Variants in GOT1 observed in about 807,000 individuals in gnomAD.
GOT1 encodes aspartate aminotransferase, cytoplasmic.
A neutral mutation model predicts 48.2 loss-of-function variants in GOT1; 25 were observed. The ratio of observed to expected loss-of-function variants is 0.52; its 90% CI spans 0.38 to 0.72. The LOEUF (loss-of-function observed/expected upper bound fraction) is 0.72. Among genes scored for constraint, GOT1 ranks in the 30% least tolerant of loss-of-function variants. The pLI, the probability that GOT1 is intolerant of heterozygous loss-of-function variation, is 0.00. For missense variants in GOT1, 380 were observed against 520.1 expected (o/e 0.73, Z 2.62); for synonymous variants, 188 against 193.8 (o/e 0.97, Z 0.25).
chr10:99,406,594 C>T lies in GOT1; in HGVS notation c.424+132G>A. 3 of 823,756 alleles carry T rather than the reference C, an allele frequency of 3.6e-6. No homozygotes were observed. In the South Asian group the frequency reaches 4.9e-5, roughly 14 times the overall value. The allele number at this position is 823,756 out of a possible 1,614,324, so 51.0% of individuals were successfully genotyped here. The stretch of plus-strand genomic sequence containing the variant: ...GCAGGTTTCTCATGCACTGCCATAA[C>T]CCACTGTTCAAGCCATTCCCAACAG... On this transcript the variant is annotated intron_variant, in intron 3 of 8. Coordinates refer to ENST00000370508, the MANE Select transcript of GOT1 (RefSeq NM_002079.3).
chr10:99,420,028 T>C (rs905085597), intron 2 of GOT1, among the ~76,000 whole-genome samples: 2 of 152,198 alleles, frequency 1.3e-5, no homozygotes, highest in Non-Finnish European at 2.9e-5. Context: ...TATTAAAGAA[T>C]ATTAGAACTG....
At chr10:99,424,026 AG>A (rs2033005600) in intron 1 of GOT1, among the ~76,000 whole-genome samples, 1 of 152,100 alleles carries the variant, frequency 6.6e-6, no homozygotes, top group Non-Finnish European at 1.5e-5. Flanking sequence ...AAGTTCAAAA[AG>A]CCTCCTTCGC....
intron 1 of GOT1, among the ~76,000 whole-genome samples, chr10:99,429,881 C>G (rs1008072674): frequency 1.3e-5 from 2 of 152,150 alleles, no homozygotes; most frequent in Admixed American, 6.5e-5. Flanking sequence ...CCAGACCCCC[C>G]GGGGGCAGCA....
intron 8 of GOT1, among the ~76,000 whole-genome samples, chr10:99,400,970 A>G (rs1231139239): frequency 6.6e-6 from 1 of 152,178 alleles, no homozygotes; most frequent in Non-Finnish European, 1.5e-5. Flanking sequence ...GGAGGAAAAC[A>G]AAACCCCTGT....
chr10:99,400,636 GAAAC>G (rs369370171), intron 8 of GOT1, among the ~76,000 whole-genome samples: 68 of 150,212 alleles, frequency 4.5e-4, no homozygotes, highest in South Asian at 1.1e-3. Flanking sequence ...GACCGTGTCT[GAAAC>G]AAACAAACAA....
intron 1 of GOT1, among the ~76,000 whole-genome samples, chr10:99,425,647 G>C (rs936927583): frequency 2.0e-5 from 3 of 152,154 alleles, no homozygotes; most frequent in African/African-American, 7.2e-5. Flanking sequence ...AAAAAGACAG[G>C]GGATTGGGGA....
intron 2 of GOT1, among the ~76,000 whole-genome samples, chr10:99,410,707 A>G (rs368588613): frequency 1.2e-4 from 19 of 152,358 alleles, no homozygotes; most frequent in African/African-American, 4.6e-4. Flanking sequence ...TGAATCAATA[A>G]TATAGCAATG....
rs2032697390 is a variant in GOT1, at chr10:99,402,694, GGTCAGCCA to G, written c.980_987del (p.Met327ThrfsTer8). ...AGTTCAGATCTCATGGTCAGAATCC[GGTCAGCCA>G]TTGTCTTCACATTACCTGTCCTGAA... On this transcript the variant is annotated frameshift_variant, in exon 8 of 9. Transcript: ENST00000370508. LOFTEE classifies it high-confidence loss of function. 2.5e-6 allele frequency: 4 copies of G among 1,613,700 alleles called. No homozygotes were observed. In the Admixed American group the frequency reaches 5.0e-5, roughly 20 times the overall value.
At chr10:99,418,751 C>A (rs1456344581) in intron 2 of GOT1, among the ~76,000 whole-genome samples, 1 of 152,134 alleles carries the variant, frequency 6.6e-6, no homozygotes, top group Admixed American at 6.5e-5. Flanking sequence ...AATCTGCCCA[C>A]CTTGGCCTCC....
intron 2 of GOT1, among the ~76,000 whole-genome samples, chr10:99,418,445 T>C (rs763599842): frequency 4.6e-5 from 7 of 151,100 alleles, no homozygotes; most frequent in African/African-American, 2.4e-5. Flanking sequence ...TTCCAACTAA[T>C]TTATTTAGTT....
In GOT1 at chr10:99,396,990, G is replaced by C. The variant is rs1328707350; in HGVS notation, c.*557C>G. ...ATACTGTTTGGTAAAACTTGTTTCAGTTAAATATGTACGTGTCCGTGCATG... is the reference window on the plus strand; with the variant it reads ...ATACTGTTTGGTAAAACTTGTTTCACTTAAATATGTACGTGTCCGTGCATG... On this transcript the variant is annotated 3_prime_UTR_variant, in exon 9 of 9. Coordinates refer to ENST00000370508, the MANE Select transcript of GOT1 (RefSeq NM_002079.3). 1 of 153,030 alleles carries C rather than the reference G, an allele frequency of 6.5e-6. No individual in the cohort carries two copies. The highest frequency in any genetic ancestry group is 1.5e-5 in the Non-Finnish European group (1 of 68,630). 9.5% of individuals were successfully genotyped at this position (153,030 alleles called of 1,614,324 possible).
rs1388099159 is a variant in GOT1 at position 99,403,890 on chromosome 10, G to C, written c.643-16C>G. 4 of 1,612,618 alleles carry C rather than the reference G, an allele frequency of 2.5e-6. No homozygotes were observed. The highest frequency in any genetic ancestry group is 3.4e-6 in the Non-Finnish European group (4 of 1,179,960). Reference sequence around the variant, plus strand: ...GAAACCGGTGCTGCGGGGAAGCAAAGTGAGTCAGGGCAGGAAATCCTTCTG... The same window carrying C: ...GAAACCGGTGCTGCGGGGAAGCAAACTGAGTCAGGGCAGGAAATCCTTCTG... On this transcript the variant is annotated splice_polypyrimidine_tract_variant and intron_variant, in intron 5 of 8. Coordinates refer to ENST00000370508, the MANE Select transcript of GOT1 (RefSeq NM_002079.3).
intron 2 of GOT1, among the ~76,000 whole-genome samples, chr10:99,417,186 A>C (rs1464901557): frequency 6.6e-6 from 1 of 152,266 alleles, no homozygotes; most frequent in African/African-American, 2.4e-5. Context: ...CTCATCTGAC[A>C]AAGGACTAAT....
intron 2 of GOT1, 148 bp from the exon 3 acceptor site, chr10:99,406,997 C>T (rs1040584235): frequency 1.6e-5 from 11 of 699,564 alleles, no homozygotes; most frequent in African/African-American, 1.4e-4. Flanking sequence ...ACAACTACTA[C>T]ATGAAAAAGG....
At chr10:99,409,077 C>G (rs1482092289) in intron 2 of GOT1, among the ~76,000 whole-genome samples, 1 of 151,856 alleles carries the variant, frequency 6.6e-6, no homozygotes, top group Non-Finnish European at 1.5e-5. Context: ...ATACTGTTTT[C>G]TCTACTTTCA....
At chr10:99,423,554 A>G (rs528719608) in intron 1 of GOT1, among the ~76,000 whole-genome samples, 2 of 152,376 alleles carry the variant, frequency 1.3e-5, no homozygotes, top group Admixed American at 1.3e-4. Context: ...ACAGACTGAC[A>G]GAGCCACTGA....
At chr10:99,406,283 A>G (rs762115411) in intron 3 of GOT1, 34 bp from the exon 4 acceptor site, 1 of 1,466,140 alleles carries the variant, frequency 6.8e-7, no homozygotes, top group Non-Finnish European at 9.6e-7. Context: ...TAAGCACTTT[A>G]CAAACACTAG....
At chr10:99,405,595 C>T (rs1414729332) in intron 5 of GOT1, among the ~76,000 whole-genome samples, 161 bp downstream of exon 5, 1 of 151,684 alleles carries the variant, frequency 6.6e-6, no homozygotes, top group Non-Finnish European at 1.5e-5. Context: ...TTAACAGTAT[C>T]TTTCTTTAGG....
chr10:99,409,068 T>TA (rs1190445704), intron 2 of GOT1, among the ~76,000 whole-genome samples: 2 of 152,174 alleles, frequency 1.3e-5, no homozygotes, highest in African/African-American at 4.8e-5. Context: ...TCATTCTTTA[T>TA]ACTGTTTTCT....
Sources: allele counts gnomAD v4.1 joint callset (sites outside exome capture counted in the v4.1 genomes callset), GRCh38; gene constraint gnomAD v4.1.1; transcripts MANE v1.5; gene names NCBI Gene and HGNC (gene_info 2026-07-23, HGNC 2026-07-21).